The following PANX1 variants were observed in gnomAD, a reference collection of about 807,000 sequenced individuals.
PANX1 encodes pannexin-1.
In PANX1, 30 loss-of-function variants were observed where a neutral mutation model predicts 38.7. The observed-to-expected ratio is 0.78, with a 90% CI of 0.58 to 1.05. The LOEUF (loss-of-function observed/expected upper bound fraction) is 1.05, where lower values mean the gene tolerates loss of function less well. Among genes scored for constraint, PANX1 ranks in the 50% least tolerant of loss-of-function variants. The pLI, the probability that PANX1 is intolerant of heterozygous loss-of-function variation, is 0.00. For synonymous variants in PANX1, 230 were observed against 212.2 expected, an observed-to-expected ratio of 1.08 and a Z score of -0.73; for missense variants, 551 against 517.2, an observed-to-expected ratio of 1.07 and a Z score of -0.63.
chr11:94,129,200 C>G lies in PANX1; in HGVS notation c.-113C>G, dbSNP rs1185534582. 55 of 851,108 alleles carry G rather than the reference C, an allele frequency of 6.5e-5. No homozygotes were observed. The highest frequency in any genetic ancestry group is 5.6e-4 in the South Asian group (31 of 55,538). The allele number at this position is 851,108 out of a possible 1,614,324, so 52.7% of individuals were successfully genotyped here. A position where few individuals can be genotyped will look rare whatever the true frequency, so the allele number is the denominator to read the frequency against. ...AAGGCAGGCGGGATGCGGGAGCAGG[C>G]AAAGGGAAAGCGAAAGCCGCGCGCC... On this transcript the variant is annotated 5_prime_UTR_variant, in exon 1 of 5. Coordinates refer to ENST00000227638, the MANE Select transcript of PANX1 (RefSeq NM_015368.4).
intron 2 of PANX1, among the ~76,000 whole-genome samples, chr11:94,159,193 T>A (rs1257567485): frequency 6.6e-6 from 1 of 150,678 alleles, no homozygotes; most frequent in Non-Finnish European, 1.5e-5. Flanking sequence ...TCATCAGGGA[T>A]ATTGGTCTAA....
intron 1 of PANX1, among the ~76,000 whole-genome samples, chr11:94,147,166 T>C (rs73512245): frequency 0.055 from 8,432 of 152,278 alleles, 804 homozygotes; most frequent in African/African-American, 0.19. Context: ...AAATATTTAA[T>C]TTTAAATAGA....
At position 94,153,672 on chromosome 11, in the gene PANX1, G is replaced by C. The variant is rs7928030; in HGVS notation, c.321+42G>C. The C allele has an allele frequency of 0.47, 739,197 of 1,587,884 alleles. 174,536 individuals carry two copies. Among genetic ancestry groups the C allele is most frequent in the Admixed American group, 0.63 (36,589 of 58,408 alleles). On this transcript the variant is annotated intron_variant, in intron 2 of 4. Coordinates refer to ENST00000227638, the MANE Select transcript of PANX1 (RefSeq NM_015368.4). ...CCAAATAGAACCTGTTTGCTTTATA[G>C]ATAAGGAAACTAAAGCCCAGGGAGG...
At chr11:94,167,247 T>A (rs1454978908) in intron 2 of PANX1, among the ~76,000 whole-genome samples, 2 of 152,190 alleles carry the variant, frequency 1.3e-5, no homozygotes, top group African/African-American at 4.8e-5. Context: ...AGGGGTGGTG[T>A]AAGCAGTGCA....
rs1187122244 is a variant in PANX1 at position 94,178,444 on chromosome 11, C to T, written c.397C>T (p.Pro133Ser). 3.1e-6 allele frequency: 5 copies of T among 1,614,114 alleles called. No homozygotes were observed. Among genetic ancestry groups the T allele is most frequent in the Non-Finnish European group, 4.2e-6 (5 of 1,179,990 alleles). The part of the protein sequence containing the change: ...PPLFWRFAAA[P>S]HICSDLKFIM... ...GCTGTTCTGGCGTTTCGCAGCTGCT[C>T]CTCATATTTGCTCAGACTTGAAGTT... Residue 133 changes from proline (P) to serine (S), a missense_variant, in exon 3 of 5, where the codon CCT becomes TCT. Coordinates refer to ENST00000227638, the MANE Select transcript of PANX1 (RefSeq NM_015368.4).
In PANX1 at chr11:94,176,012, T is replaced by C. The variant is rs932211125; in HGVS notation, c.322-2357T>C. The C allele has an allele frequency of 4.9e-5, 21 of 430,348 alleles. 2 individuals carry two copies. Among genetic ancestry groups the C allele is most frequent in the African/African-American group, 4.4e-4 (20 of 45,662 alleles). 26.7% of individuals were successfully genotyped at this position (430,348 alleles called of 1,614,324 possible). The stretch of plus-strand genomic sequence containing the variant: ...GCCTGCAAACTAGGATAGGAAAATA[T>C]ATGACAGCTTTATTTTTTATTCACT... On this transcript the variant is annotated intron_variant, in intron 2 of 4. Transcript: ENST00000227638.
intron 2 of PANX1, among the ~76,000 whole-genome samples, chr11:94,158,858 C>T (rs1389082667): frequency 7.2e-5 from 11 of 152,058 alleles, no homozygotes; most frequent in Admixed American, 7.2e-4. Context: ...CAGTTTTTGC[C>T]CATTCAGTAT....
chr11:94,157,391 C>A lies in PANX1; in HGVS notation c.321+3761C>A, dbSNP rs902072503. Among the ~76,000 whole-genome samples, 135 of 152,134 alleles carry A rather than the reference C, an allele frequency of 8.9e-4. 4 individuals are homozygous for A. Among genetic ancestry groups the A allele is most frequent in the Non-Finnish European group, 9.4e-4 (64 of 67,924 alleles). The stretch of plus-strand genomic sequence containing the variant: ...GTTCCTATTCCTCCACCTCCTCTCC[C>A]GCACCTGTTGTTTCCTGACTTTTTA... On this transcript the variant is annotated intron_variant, in intron 2 of 4. Coordinates refer to ENST00000227638, the MANE Select transcript of PANX1 (RefSeq NM_015368.4).
At chr11:94,138,805 C>A (rs1273527370) in intron 1 of PANX1, among the ~76,000 whole-genome samples, 1 of 152,172 alleles carries the variant, frequency 6.6e-6, no homozygotes. Context: ...CCCTCAGTAA[C>A]CTTTACAGTA....
At chr11:94,146,501 C>G (rs1946830304) in intron 1 of PANX1, among the ~76,000 whole-genome samples, 1 of 152,196 alleles carries the variant, frequency 6.6e-6, no homozygotes, top group Non-Finnish European at 1.5e-5. Context: ...CAGAAGAGAC[C>G]TAGCAGGCAG....
intron 2 of PANX1, among the ~76,000 whole-genome samples, chr11:94,153,982 G>A (rs778387652): frequency 2.0e-5 from 3 of 152,192 alleles, no homozygotes; most frequent in Non-Finnish European, 4.4e-5. Flanking sequence ...GACAGTGGCA[G>A]AGCTAGGATT....
At chr11:94,133,527 T>A (rs1219265270) in intron 1 of PANX1, among the ~76,000 whole-genome samples, 2 of 152,106 alleles carry the variant, frequency 1.3e-5, no homozygotes, top group Non-Finnish European at 2.9e-5. Context: ...GAGTTGTGCC[T>A]GGGAGCATTT....
intron 1 of PANX1, among the ~76,000 whole-genome samples, chr11:94,129,783 C>T (rs548402053): frequency 6.6e-6 from 1 of 152,280 alleles, no homozygotes; most frequent in South Asian, 2.1e-4. Context: ...TGGCACCTTG[C>T]CACCAGATTT....
Position 94,178,443 on chromosome 11 carries a change from T to C in PANX1, c.396T>C (p.Ala132=). Residue 132 remains alanine (A), a synonymous_variant, in exon 3 of 5, where the codon GCT becomes GCC. Coordinates refer to ENST00000227638, the MANE Select transcript of PANX1 (RefSeq NM_015368.4). ...LPPLFWRFAA[A]PHICSDLKFI... ...CGCTGTTCTGGCGTTTCGCAGCTGC[T>C]CCTCATATTTGCTCAGACTTGAAGT... is the stretch of plus-strand genomic sequence containing the variant. The C allele has an allele frequency of 1.9e-6, 3 of 1,614,092 alleles. No homozygotes were observed. Among genetic ancestry groups the C allele is most frequent in the Non-Finnish European group, 2.5e-6 (3 of 1,179,988 alleles).
intron 1 of PANX1, among the ~76,000 whole-genome samples, chr11:94,142,230 G>T (rs149928570): frequency 6.6e-6 from 1 of 152,130 alleles, no homozygotes; most frequent in African/African-American, 2.4e-5. Context: ...TGCTGGGGAG[G>T]GTGCCTAGTC....
At chr11:94,172,295 A>T (rs1947179032) in intron 2 of PANX1, among the ~76,000 whole-genome samples, 1 of 144,610 alleles carries the variant, frequency 6.9e-6, no homozygotes, top group Non-Finnish European at 1.5e-5. Context: ...TGTGGGCACC[A>T]CCCATCTACA....
At chr11:94,173,294 C>T (rs891761295) in intron 2 of PANX1, among the ~76,000 whole-genome samples, 2 of 151,624 alleles carry the variant, frequency 1.3e-5, no homozygotes, top group Non-Finnish European at 2.9e-5. Context: ...TGGTCTTCTC[C>T]TTCTGCCCAT....
intron 2 of PANX1, among the ~76,000 whole-genome samples, chr11:94,164,173 T>C (rs1947077780): frequency 1.3e-5 from 2 of 152,082 alleles, no homozygotes. Context: ...AAACCAACTT[T>C]TAAATTTTAT....
At chr11:94,151,996 C>T (rs375460512) in intron 1 of PANX1, among the ~76,000 whole-genome samples, 19 of 152,190 alleles carry the variant, frequency 1.2e-4, no homozygotes, top group Non-Finnish European at 1.9e-4. Context: ...CATCACTTCT[C>T]TCTTGTACCA....
Sources: allele counts gnomAD v4.1 joint callset (sites outside exome capture counted in the v4.1 genomes callset), GRCh38; gene constraint gnomAD v4.1.1; transcripts MANE v1.5; gene names NCBI Gene and HGNC (gene_info 2026-07-23, HGNC 2026-07-21).